Variants in RANBP2 observed in about 807,000 individuals in gnomAD.
RANBP2 encodes RAN binding protein 2, also known as E3 SUMO-protein ligase RanBP2.
In RANBP2, 57 loss-of-function variants were observed where a neutral mutation model predicts 303.6. The ratio of observed to expected loss-of-function variants is 0.19; its 90% CI spans 0.15 to 0.23. The LOEUF (loss-of-function observed/expected upper bound fraction) is 0.23. Ranked by LOEUF, RANBP2 falls within the 10% of genes least tolerant of loss-of-function variation. The pLI is 1.00. For missense variants in RANBP2, 3,138 were observed against 3,780.8 expected (o/e 0.83, Z 4.46); for synonymous variants, 1,167 against 1,301.5 (o/e 0.90, Z 2.23).
chr2:109,028,793 C>T, the RANBP2 span, among the ~76,000 whole-genome samples: 1 of 152,182 alleles, frequency 6.6e-6, no homozygotes, highest in Non-Finnish European at 1.5e-5. Context: ...GCTTAGAGGT[C>T]ATCGGGTCTA....
the RANBP2 span, among the ~76,000 whole-genome samples, chr2:109,090,310 TCACACACACACACACACA>T: frequency 2.8e-3 from 303 of 109,738 alleles, 2 homozygotes; most frequent in African/African-American, 0.01. Flanking sequence ...ACACCTCGCC[TCACACACACACACACACA>T]CACACACACA....
the RANBP2 span, among the ~76,000 whole-genome samples, chr2:109,171,536 C>T: frequency 6.6e-6 from 1 of 152,252 alleles, no homozygotes; most frequent in African/African-American, 2.4e-5. Context: ...TGGCTTCGCC[C>T]GCGGCGGGCC....
At chr2:109,152,779 C>T in the RANBP2 span, among the ~76,000 whole-genome samples, 62,829 of 152,034 alleles carry the variant, frequency 0.41, 14,955 homozygotes, top group Non-Finnish European at 0.54. Context: ...CCCTCCCAGG[C>T]CCGATGGCCT....
chr2:108,926,264 T>C, the RANBP2 span, among the ~76,000 whole-genome samples: 1 of 152,134 alleles, frequency 6.6e-6, no homozygotes, highest in Non-Finnish European at 1.5e-5. Flanking sequence ...AAGGTCTAAT[T>C]TGCTACTTTT....
At chr2:109,540,858 T>C in the RANBP2 span, among the ~76,000 whole-genome samples, 1 of 152,128 alleles carries the variant, frequency 6.6e-6, no homozygotes, top group East Asian at 1.9e-4. Flanking sequence ...ATGTACCTTT[T>C]CCCATCTTCT....
chr2:108,849,554 C>T, the RANBP2 span, among the ~76,000 whole-genome samples: 11 of 152,282 alleles, frequency 7.2e-5, no homozygotes, highest in South Asian at 2.3e-3. Context: ...GTCTCCCTGC[C>T]TTCACTCTCT....
chr2:108,786,848 C>G (rs754921500), downstream of RANBP2: 2 of 1,590,612 alleles, frequency 1.3e-6, no homozygotes, highest in Non-Finnish European at 1.7e-6. Context: ...GTCAAGCCAC[C>G]GGGGCAGGAT....
chr2:108,816,424 C>G, the RANBP2 span, among the ~76,000 whole-genome samples: 1 of 152,098 alleles, frequency 6.6e-6, no homozygotes, highest in African/African-American at 2.4e-5. Flanking sequence ...GCACTCCAGC[C>G]TGGGCAACAG....
the RANBP2 span, among the ~76,000 whole-genome samples, chr2:109,372,244 C>T: frequency 6.6e-6 from 1 of 152,356 alleles, no homozygotes; most frequent in Non-Finnish European, 1.5e-5. Context: ...GTAACTAAAG[C>T]ACCAGGTTTC....
chr2:108,898,880 CTCAA>C, the RANBP2 span, among the ~76,000 whole-genome samples: 2 of 152,076 alleles, frequency 1.3e-5, no homozygotes, highest in Admixed American at 6.6e-5. Context: ...GTGGAAATTA[CTCAA>C]TCAGAGAAAA....
chr2:109,317,950 G>A, the RANBP2 span, among the ~76,000 whole-genome samples: 4 of 152,074 alleles, frequency 2.6e-5, no homozygotes, highest in Admixed American at 6.5e-5. Context: ...CAACTCTGCC[G>A]CTTGTCCTGA....
chr2:109,589,949 GATTT>G, the RANBP2 span, among the ~76,000 whole-genome samples: 1 of 151,746 alleles, frequency 6.6e-6, no homozygotes, highest in Non-Finnish European at 1.5e-5. Context: ...TCCCAATAGT[GATTT>G]ATTTACTGAG....
chr2:109,634,253 C>G, the RANBP2 span, among the ~76,000 whole-genome samples: 15 of 150,184 alleles, frequency 1.0e-4, no homozygotes, highest in Non-Finnish European at 1.8e-4. Context: ...GGAAGTCCAA[C>G]AAATTGCAAG....
the RANBP2 span, among the ~76,000 whole-genome samples, chr2:109,289,210 G>A: frequency 6.6e-6 from 1 of 152,098 alleles, no homozygotes; most frequent in Non-Finnish European, 1.5e-5. Flanking sequence ...GCTGTCATAT[G>A]ACTTGGACTG....
chr2:109,060,676 A>G, the RANBP2 span, among the ~76,000 whole-genome samples: 1 of 152,214 alleles, frequency 6.6e-6, no homozygotes, highest in African/African-American at 2.4e-5. Flanking sequence ...TTCACTGAGT[A>G]GGTGTGCAGA....
At chr2:109,301,187 G>A in the RANBP2 span, among the ~76,000 whole-genome samples, 127 of 152,328 alleles carry the variant, frequency 8.3e-4, no homozygotes, top group African/African-American at 2.8e-3. Context: ...GAGGGGGATT[G>A]CCCTGGTTCC....
chr2:108,941,282 G>T, the RANBP2 span, among the ~76,000 whole-genome samples: 1 of 152,174 alleles, frequency 6.6e-6, no homozygotes, highest in Non-Finnish European at 1.5e-5. Flanking sequence ...GTTTTTGGTT[G>T]TTTTCTGGGC....
Position 108,775,841 on chromosome 2 carries a change from A to T in RANBP2, c.8402A>T (p.Lys2801Ile). 3.7e-6 allele frequency: 6 copies of T among 1,613,794 alleles called. No individual in the cohort carries two copies. Among genetic ancestry groups the T allele is most frequent in the Non-Finnish European group, 5.1e-6 (6 of 1,179,936 alleles). ...CKSEEPDSIT[K>I]SISSPSVSSE... Reference sequence around the variant, plus strand: ...TCTGAAGAACCTGATTCTATTACCAAATCCATTAGTTCACCATCTGTTTCC... The same window carrying T: ...TCTGAAGAACCTGATTCTATTACCATATCCATTAGTTCACCATCTGTTTCC... The change falls in exon 24 of 29, where the codon AAA (lysine) becomes ATA (isoleucine). Residue 2801 changes from lysine (K) to isoleucine (I), a missense_variant. Transcript: ENST00000283195.
chr2:108,921,004 A>C, the RANBP2 span, among the ~76,000 whole-genome samples: 1 of 152,146 alleles, frequency 6.6e-6, no homozygotes, highest in African/African-American at 2.4e-5. Flanking sequence ...ACTTGTTAAA[A>C]ATGTACATTC....
Sources: gnomAD v4.1 joint callset for allele counts (sites outside exome capture counted in the v4.1 genomes callset) on GRCh38, gnomAD v4.1.1 for gene constraint, MANE v1.5 for transcripts, NCBI Gene and HGNC (gene_info 2026-07-23, HGNC 2026-07-21) for gene names.